The following NEURL1 variants were observed in gnomAD, a reference collection of about 807,000 sequenced individuals.
The protein encoded by NEURL1 is neuralized E3 ubiquitin protein ligase 1, also known as E3 ubiquitin-protein ligase NEURL1.
In NEURL1, 26 loss-of-function variants were observed where a neutral mutation model predicts 41.2. The observed-to-expected ratio is 0.63, with a 90% CI of 0.46 to 0.87. NEURL1 has a LOEUF of 0.87. NEURL1 is among the 40% of genes least tolerant of loss of function. The probability of loss-of-function intolerance (pLI) is 0.00; values close to 1 mark genes in which losing one functional copy is unlikely to be tolerated. For missense variants in NEURL1, 761 were observed against 871.1 expected (o/e 0.87, Z 1.59); for synonymous variants, 400 against 402.3 (o/e 0.99, Z 0.07).
At chr10:103,501,672 A>T (rs1415247303) in intron 1 of NEURL1, among the ~76,000 whole-genome samples, 1 of 141,234 alleles carries the variant, frequency 7.1e-6, no homozygotes, top group African/African-American at 2.6e-5. Flanking sequence ...CCCTCTTGTC[A>T]CCCAGGCTGG....
At chr10:103,564,270 C>G (rs2035370020) in intron 1 of NEURL1, among the ~76,000 whole-genome samples, 1 of 152,192 alleles carries the variant, frequency 6.6e-6, no homozygotes, top group African/African-American at 2.4e-5. Flanking sequence ...TCCACCATGT[C>G]AGCAGCAGCC....
chr10:103,519,495 A>G (rs1564808154), intron 1 of NEURL1, among the ~76,000 whole-genome samples: 1 of 152,178 alleles, frequency 6.6e-6, no homozygotes, highest in Non-Finnish European at 1.5e-5. Context: ...GGTATCCAGA[A>G]GTGCATAATA....
intron 1 of NEURL1, among the ~76,000 whole-genome samples, chr10:103,522,602 CAAA>C (rs528719693): frequency 6.8e-4 from 73 of 106,678 alleles, no homozygotes; most frequent in Admixed American, 1.6e-3. Flanking sequence ...AACTCCATTT[CAAA>C]AAAAAAAAAA....
rs2034305085 is a variant in NEURL1 at position 103,519,838 on chromosome 10, C to CAGT, written c.85+25367_85+25369dup. On this transcript the variant is annotated intron_variant, in intron 1 of 5. Transcript: ENST00000369780. ...TTGCTTTGTTGTCTAGGCTGGAGTA[C>CAGT]AGTGGCGTGATAATGGTTTATTGCA... Among the ~76,000 whole-genome samples, 3 of 151,124 alleles carry CAGT rather than the reference C, an allele frequency of 2.0e-5. No individual in the cohort carries two copies. In the South Asian group the frequency reaches 6.3e-4, roughly 32 times the overall value.
chr10:103,502,468 C>T (rs570066155), intron 1 of NEURL1, among the ~76,000 whole-genome samples: 18 of 152,256 alleles, frequency 1.2e-4, no homozygotes, highest in Admixed American at 3.3e-4. Context: ...GCATATGGAG[C>T]GAGAACGATC....
At chr10:103,552,645 A>G (rs2035054594) in intron 1 of NEURL1, among the ~76,000 whole-genome samples, 2 of 152,166 alleles carry the variant, frequency 1.3e-5, no homozygotes, top group South Asian at 4.1e-4. Context: ...TTCCTTCTGG[A>G]CTGGAAGTCC....
intron 1 of NEURL1, among the ~76,000 whole-genome samples, chr10:103,526,565 G>A (rs931437563): frequency 1.3e-5 from 2 of 151,996 alleles, no homozygotes; most frequent in African/African-American, 4.8e-5. Context: ...AGGCTGGAGT[G>A]CAGTGGCACG....
intron 1 of NEURL1, among the ~76,000 whole-genome samples, chr10:103,548,718 C>G (rs766172984): frequency 6.6e-6 from 1 of 152,198 alleles, no homozygotes; most frequent in Admixed American, 6.5e-5. Flanking sequence ...CGTGGATTCC[C>G]GAGTTCTCTG....
intron 1 of NEURL1, among the ~76,000 whole-genome samples, chr10:103,555,578 G>C (rs921766250): frequency 6.6e-6 from 1 of 152,076 alleles, no homozygotes; most frequent in Non-Finnish European, 1.5e-5. Context: ...TGGGCACTGG[G>C]GTGGGGGCAG....
At chr10:103,532,771 T>C (rs1235491837) in intron 1 of NEURL1, among the ~76,000 whole-genome samples, 1 of 152,080 alleles carries the variant, frequency 6.6e-6, no homozygotes, top group African/African-American at 2.4e-5. Context: ...TTGACTATAA[T>C]GGCCTCAGGG....
chr10:103,521,737 T>C (rs567547699), intron 1 of NEURL1, among the ~76,000 whole-genome samples: 1 of 152,178 alleles, frequency 6.6e-6, no homozygotes, highest in African/African-American at 2.4e-5. Context: ...GGAAGTTTCA[T>C]TGGGAGAGTA....
intron 1 of NEURL1, among the ~76,000 whole-genome samples, chr10:103,502,737 C>T (rs775323110): frequency 3.3e-5 from 5 of 152,226 alleles, no homozygotes; most frequent in South Asian, 4.1e-4. Context: ...GGAGGCAGGA[C>T]GAGCAAAAGC....
intron 1 of NEURL1, among the ~76,000 whole-genome samples, chr10:103,537,220 A>G (rs1302493331): frequency 6.6e-6 from 1 of 152,208 alleles, no homozygotes; most frequent in African/African-American, 2.4e-5. Flanking sequence ...TAATGCTGCT[A>G]TGAACATGGG....
intron 1 of NEURL1, among the ~76,000 whole-genome samples, chr10:103,495,343 G>A: frequency 6.6e-6 from 1 of 152,242 alleles, no homozygotes; most frequent in East Asian, 1.9e-4. Flanking sequence ...TAAAAGCCAG[G>A]AAGGGAAGCC....
At chr10:103,579,081 C>T (rs1222622196) in intron 3 of NEURL1, among the ~76,000 whole-genome samples, 2 of 152,242 alleles carry the variant, frequency 1.3e-5, no homozygotes, top group Admixed American at 6.5e-5. Context: ...CCCTGAGGTC[C>T]CCCACGCCCA....
At chr10:103,497,594 C>T (rs578196525) in intron 1 of NEURL1, among the ~76,000 whole-genome samples, 6 of 152,294 alleles carry the variant, frequency 3.9e-5, no homozygotes, top group South Asian at 2.1e-4. Flanking sequence ...CATCGCCTCT[C>T]GGGTGATAGA....
chr10:103,570,593 G>A (rs571635781), intron 1 of NEURL1, among the ~76,000 whole-genome samples: 1 of 151,070 alleles, frequency 6.6e-6, no homozygotes, highest in Non-Finnish European at 1.5e-5. Flanking sequence ...AAATACTAGT[G>A]GGGAGAGGAG....
chr10:103,585,140 C>T lies in NEURL1; in HGVS notation c.1254C>T (p.Ala418=). Residue 418 remains alanine (A), a synonymous_variant, in exon 4 of 6, where the codon GCC becomes GCT. Coordinates refer to ENST00000369780, the MANE Select transcript of NEURL1 (RefSeq NM_004210.5). The stretch of plus-strand genomic sequence containing the variant: ...ACCTCAGCCACAATGGCGCGGCCGC[C>T]GGCATGCAGCTGTGCGTGGACGCCT... ...ELHLSHNGAA[A]GMQLCVDASQ... 2 of 1,591,462 alleles carry T rather than the reference C, an allele frequency of 1.3e-6. No individual in the cohort carries two copies. Among genetic ancestry groups the T allele is most frequent in the Non-Finnish European group, 1.7e-6 (2 of 1,175,922 alleles).
chr10:103,516,788 C>T (rs72848950), intron 1 of NEURL1, among the ~76,000 whole-genome samples: 2 of 152,042 alleles, frequency 1.3e-5, no homozygotes, highest in South Asian at 4.1e-4. Flanking sequence ...ATAACCAGTA[C>T]GATTCTGGAA....
Sources: allele counts gnomAD v4.1 joint callset (sites outside exome capture counted in the v4.1 genomes callset), GRCh38; gene constraint gnomAD v4.1.1; transcripts MANE v1.5; gene names NCBI Gene and HGNC (gene_info 2026-07-23, HGNC 2026-07-21).